The following ZSCAN30 variants were observed in gnomAD, a reference collection of about 807,000 sequenced individuals.
The protein encoded by ZSCAN30 is zinc finger and SCAN domain-containing protein 30.
A neutral mutation model predicts 44.3 loss-of-function variants in ZSCAN30; 37 were observed. That is an observed-to-expected ratio of 0.84 (90% CI 0.64 to 1.10). The LOEUF (loss-of-function observed/expected upper bound fraction) is 1.10, where lower values mean the gene tolerates loss of function less well. ZSCAN30 is among the 50% of genes least tolerant of loss of function. The pLI is 0.00. For synonymous variants in ZSCAN30, 181 were observed against 204.6 expected (o/e 0.88, Z 0.98); for missense variants, 549 against 582.6 (o/e 0.94, Z 0.59).
intron 1 of ZSCAN30, chr18:35,269,909 C>G (rs1183383270): frequency 6.6e-6 from 1 of 150,684 alleles, no homozygotes; most frequent in Non-Finnish European, 1.5e-5. Context: ...ATACACAGAA[C>G]ATACTCAATT....
intron 1 of ZSCAN30, among the ~76,000 whole-genome samples, chr18:35,264,751 G>T (rs1161677317): frequency 6.6e-6 from 1 of 152,162 alleles, no homozygotes; most frequent in Admixed American, 6.5e-5. Context: ...TATAGTATAT[G>T]ATTACATCTC....
intron 1 of ZSCAN30, among the ~76,000 whole-genome samples, chr18:35,276,192 T>G (rs989388383): frequency 5.9e-5 from 9 of 152,218 alleles, no homozygotes; most frequent in Non-Finnish European, 1.2e-4. Context: ...CTTCTTGTTT[T>G]GGGGAGGGGA....
chr18:35,273,671 G>A (rs1361372060), intron 1 of ZSCAN30, among the ~76,000 whole-genome samples: 2 of 152,198 alleles, frequency 1.3e-5, no homozygotes, highest in Admixed American at 1.3e-4. Context: ...TTGACCACGT[G>A]TGAGGGTTTA....
At chr18:35,259,172 G>A (rs1210445685) in intron 3 of ZSCAN30, 1 of 152,138 alleles carries the variant, frequency 6.6e-6, no homozygotes, top group Admixed American at 6.6e-5. Context: ...CTCTCTCCTT[G>A]GCTTGCAGAT....
chr18:35,257,877 C>T (rs575582047), intron 3 of ZSCAN30: 1 of 780,898 alleles, frequency 1.3e-6, no homozygotes, highest in African/African-American at 1.7e-5. Context: ...GAGACCACAT[C>T]ATTGCTTGCT....
At chr18:35,271,754 G>A (rs7240945) in intron 1 of ZSCAN30, among the ~76,000 whole-genome samples, 5 of 152,020 alleles carry the variant, frequency 3.3e-5, no homozygotes, top group East Asian at 3.9e-4. Context: ...TTGCGGGGAG[G>A]GGGGGCGCTT....
chr18:35,257,265 T>A (rs2043862136), intron 3 of ZSCAN30: 1 of 152,558 alleles, frequency 6.6e-6, no homozygotes, highest in East Asian at 1.9e-4. Flanking sequence ...ATGTCAGTGA[T>A]GCTCCACTGC....
intron 3 of ZSCAN30, chr18:35,263,123 C>T: frequency 2.8e-6 from 1 of 360,970 alleles, no homozygotes. Context: ...CAACTGTAGT[C>T]CTAGCTACTC....
Position 35,263,551 on chromosome 18 carries a change from T to G in ZSCAN30, c.515A>C (p.Lys172Thr), listed in dbSNP as rs763922197. 1 of 1,614,214 alleles carries G rather than the reference T, an allele frequency of 6.2e-7. No individual in the cohort carries two copies. Among genetic ancestry groups the G allele is most frequent in the Non-Finnish European group, 8.5e-7 (1 of 1,180,038 alleles). The part of the protein sequence containing the change: ...SPVQPLENQC[K>T]TETQESQAFQ... ...AGCCTGGGACTCCTGAGTCTCAGTC[T>G]TGCACTGGTTCTCTAAGGGCTGCAC... The change falls in exon 3 of 4, where the codon AAG becomes ACG. Residue 172 changes from lysine to threonine, a missense_variant. Lys to Thr is a moderately conservative substitution (Grantham distance 78, BLOSUM62 -1). Transcript: ENST00000333206.
Position 35,271,713 on chromosome 18 carries a change from G to A in ZSCAN30, c.-103-7258C>T, listed in dbSNP as rs550835073. On this transcript the variant is annotated intron_variant, in intron 1 of 3. Transcript: ENST00000333206. ...CACCACGGAGCAGGGGGCGGCACCC[G>A]CCGGGGAGGCTCCAGCTGCGTGGGA... Among the ~76,000 whole-genome samples, 86 of 152,338 alleles carry A rather than the reference G, an allele frequency of 5.6e-4. 2 individuals are homozygous for A. Among genetic ancestry groups the A allele is most frequent in the Middle Eastern group, 3.4e-3 (1 of 294 alleles).
At chr18:35,264,909 G>A (rs2044113221) in intron 1 of ZSCAN30, among the ~76,000 whole-genome samples, 1 of 152,134 alleles carries the variant, frequency 6.6e-6, no homozygotes, top group African/African-American at 2.4e-5. Flanking sequence ...CACTTTGGGA[G>A]GCCGAGGCGG....
intron 1 of ZSCAN30, chr18:35,281,428 C>T (rs1342621543): frequency 2.0e-5 from 3 of 152,148 alleles, no homozygotes; most frequent in South Asian, 2.1e-4. Context: ...CACAAAGCTA[C>T]AAATCTAACA....
intron 1 of ZSCAN30, among the ~76,000 whole-genome samples, chr18:35,276,632 A>T (rs2044371811): frequency 6.6e-6 from 1 of 152,220 alleles, no homozygotes; most frequent in South Asian, 2.1e-4. Flanking sequence ...GGACACACAG[A>T]AGTTAAGAAT....
chr18:35,270,802 G>GT (rs1382690397), intron 1 of ZSCAN30, among the ~76,000 whole-genome samples: 1 of 152,226 alleles, frequency 6.6e-6, no homozygotes, highest in African/African-American at 2.4e-5. Context: ...GACCCTCGCA[G>GT]TGAGTGTTAA....
At chr18:35,266,655 T>A (rs867090770) in intron 1 of ZSCAN30, 19 of 133,856 alleles carry the variant, frequency 1.4e-4, no homozygotes, top group African/African-American at 5.5e-4. Context: ...ATATTTCTCC[T>A]AATTTTTTTT....
At chr18:35,271,894 T>C (rs1010055152) in intron 1 of ZSCAN30, among the ~76,000 whole-genome samples, 1 of 152,112 alleles carries the variant, frequency 6.6e-6, no homozygotes, top group Admixed American at 6.5e-5. Flanking sequence ...GCCCGGGTGC[T>C]AAGCCCCTTA....
intron 1 of ZSCAN30, among the ~76,000 whole-genome samples, chr18:35,271,469 G>T (rs2044273745): frequency 6.6e-6 from 1 of 152,266 alleles, no homozygotes; most frequent in Admixed American, 6.5e-5. Context: ...ACAGAGTGCT[G>T]ATTGGTGTGT....
At chr18:35,256,485 A>G (rs1170920964) in intron 3 of ZSCAN30, among the ~76,000 whole-genome samples, 1 of 152,038 alleles carries the variant, frequency 6.6e-6, no homozygotes, top group Non-Finnish European at 1.5e-5. Flanking sequence ...CACTTGAACC[A>G]GGGACGTGGA....
chr18:35,257,704 T>C (rs530614965), intron 3 of ZSCAN30, among the ~76,000 whole-genome samples: 7 of 152,346 alleles, frequency 4.6e-5, no homozygotes, highest in African/African-American at 1.7e-4. Context: ...GATGCCTCCT[T>C]CTGTGGAGAA....
Sources: gnomAD v4.1 joint callset for allele counts (sites outside exome capture counted in the v4.1 genomes callset) on GRCh38, gnomAD v4.1.1 for gene constraint, MANE v1.5 for transcripts, NCBI Gene and HGNC (gene_info 2026-07-23, HGNC 2026-07-21) for gene names.